TYW1B: variants seen among roughly 807,000 people sequenced by gnomAD.
TYW1B encodes S-adenosyl-L-methionine-dependent tRNA 4-demethylwyosine synthase TYW1B.
In TYW1B, 73 loss-of-function variants were observed where a neutral mutation model predicts 86.9. The observed-to-expected ratio is 0.84, with a 90% CI of 0.70 to 1.02. TYW1B has a LOEUF of 1.02. Among genes scored for constraint, TYW1B ranks in the 50% least tolerant of loss-of-function variants. The pLI is 0.00. For missense variants in TYW1B, 637 were observed against 827.4 expected (o/e 0.77, Z 2.82); for synonymous variants, 248 against 292.8 (o/e 0.85, Z 1.56).
At chr7:72,811,947 G>T (rs1272971455) in intron 3 of TYW1B, among the ~76,000 whole-genome samples, 3 of 147,008 alleles carry the variant, frequency 2.0e-5, no homozygotes, top group African/African-American at 7.5e-5. Flanking sequence ...GAAAAGAAAA[G>T]AAAAAATACA....
chr7:72,781,552 G>A (rs1554471634), intron 6 of TYW1B, among the ~76,000 whole-genome samples: 1 of 152,104 alleles, frequency 6.6e-6, no homozygotes, highest in African/African-American at 2.4e-5. Context: ...TCAAAAGCCA[G>A]TGCCACAGTA....
chr7:72,607,393 C>CA (rs57281644), intron 13 of TYW1B, among the ~76,000 whole-genome samples: 13,346 of 75,798 alleles, frequency 0.18, 892 homozygotes, highest in Non-Finnish European at 0.21. Context: ...TTCTGTCTCT[C>CA]AAAAAAAAAA....
intron 13 of TYW1B, among the ~76,000 whole-genome samples, chr7:72,581,197 A>C (rs1811142598): frequency 7.6e-6 from 1 of 131,360 alleles, no homozygotes; most frequent in South Asian, 2.9e-4. Context: ...CTCAGAAGAC[A>C]ATTCAGAAAG....
At chr7:72,703,427 G>C (rs184028751) in intron 10 of TYW1B, among the ~76,000 whole-genome samples, 36 of 152,120 alleles carry the variant, frequency 2.4e-4, no homozygotes, top group African/African-American at 8.4e-4. Context: ...TCTTGGTATT[G>C]GTTTCTAGTT....
intron 11 of TYW1B, among the ~76,000 whole-genome samples, chr7:72,635,560 G>A (rs2129568904): frequency 6.6e-6 from 1 of 152,272 alleles, no homozygotes; most frequent in African/African-American, 2.4e-5. Context: ...TGTCGATGGT[G>A]CCAACGTTGA....
At chr7:72,727,030 G>A (rs75118722) in intron 9 of TYW1B, among the ~76,000 whole-genome samples, 11 of 152,088 alleles carry the variant, frequency 7.2e-5, no homozygotes, top group Non-Finnish European at 2.9e-5. Flanking sequence ...TGGCCCCCAC[G>A]TTTCAATTAC....
chr7:72,620,252 C>T (rs1812180991), intron 12 of TYW1B, among the ~76,000 whole-genome samples: 2 of 152,034 alleles, frequency 1.3e-5, no homozygotes, highest in African/African-American at 4.8e-5. Context: ...CAAAAATTGG[C>T]TGGGCGTGGT....
chr7:72,657,687 A>C (rs1417155712), intron 11 of TYW1B, among the ~76,000 whole-genome samples: 2 of 152,216 alleles, frequency 1.3e-5, no homozygotes, highest in Non-Finnish European at 1.5e-5. Context: ...TGATACAATC[A>C]AAGTACTGAA....
chr7:72,815,270 C>T (rs1328318820), intron 3 of TYW1B, 110 bp downstream of exon 3: 32 of 1,032,804 alleles, frequency 3.1e-5, no homozygotes, highest in South Asian at 2.0e-4. Context: ...TCCCTTAGCA[C>T]GAAAATTAAA....
chr7:72,777,376 A>C (rs1360174302), intron 7 of TYW1B, 40 bp downstream of exon 7: 1 of 1,609,906 alleles, frequency 6.2e-7, no homozygotes, highest in South Asian at 1.1e-5. Flanking sequence ...AGAATGCCTA[A>C]GACTATAGTC....
chr7:72,690,172 G>A lies in TYW1B; in HGVS notation c.1506+4515C>T, dbSNP rs375730717. Among the ~76,000 whole-genome samples the A allele has an allele frequency of 6.6e-5, 10 of 152,324 alleles. No homozygotes were observed. The East Asian group carries it at 1.7e-3, about 26-fold the overall frequency. On this transcript the variant is annotated intron_variant, in intron 11 of 13. Transcript: ENST00000620995. ...CTTAAACAGAGAAAAGAATTAAATA[G>A]TTCAGTTTACTACTGGATCTTGACC... is the stretch of plus-strand genomic sequence containing the variant.
chr7:72,583,760 T>C (rs1404317901), intron 13 of TYW1B, among the ~76,000 whole-genome samples: 3 of 152,212 alleles, frequency 2.0e-5, no homozygotes, highest in Non-Finnish European at 4.4e-5. Context: ...TACTGGGTAC[T>C]AGGTGCTATG....
chr7:72,827,988 G>A, intron 1 of TYW1B, 84 bp downstream of exon 1: 1 of 1,593,800 alleles, frequency 6.3e-7, no homozygotes, highest in Non-Finnish European at 8.5e-7. Context: ...GGGGACCGAG[G>A]ACGCCACTCC....
chr7:72,799,658 G>T (rs1554475269), intron 6 of TYW1B, among the ~76,000 whole-genome samples: 4 of 151,658 alleles, frequency 2.6e-5, no homozygotes, highest in African/African-American at 9.7e-5. Flanking sequence ...GTAGAGACGG[G>T]GTTTCACCGT....
At chr7:72,592,160 T>TAAAAAAAAA (rs56146824) in intron 13 of TYW1B, among the ~76,000 whole-genome samples, 17 of 103,370 alleles carry the variant, frequency 1.6e-4, no homozygotes, top group African/African-American at 6.6e-4. Context: ...ACTAATGTGT[T>TAAAAAAAAA]AAAAAAAAAA....
At chr7:72,744,761 T>C (rs527916958) in intron 7 of TYW1B, among the ~76,000 whole-genome samples, 160 bp from the exon 8 acceptor site, 1 of 152,312 alleles carries the variant, frequency 6.6e-6, no homozygotes, top group East Asian at 1.9e-4. Flanking sequence ...CATTTTAGTG[T>C]TTTGGCAGTG....
intron 2 of TYW1B, among the ~76,000 whole-genome samples, chr7:72,824,961 G>C (rs1788900941): frequency 6.6e-6 from 1 of 151,520 alleles, no homozygotes; most frequent in Non-Finnish European, 1.5e-5. Flanking sequence ...AAATTAGCTG[G>C]GTATGGTGGC....
intron 13 of TYW1B, among the ~76,000 whole-genome samples, chr7:72,599,712 T>C (rs1554433328): frequency 6.6e-6 from 1 of 152,128 alleles, no homozygotes; most frequent in East Asian, 1.9e-4. Context: ...AGTTAATATA[T>C]ATATAAAATT....
At chr7:72,617,982 G>T (rs1274202884) in intron 12 of TYW1B, among the ~76,000 whole-genome samples, 1 of 151,816 alleles carries the variant, frequency 6.6e-6, no homozygotes, top group African/African-American at 2.4e-5. Flanking sequence ...CTTATTTCTT[G>T]AAATAAATCT....
Sources: gnomAD v4.1 joint callset for allele counts (sites outside exome capture counted in the v4.1 genomes callset) on GRCh38, gnomAD v4.1.1 for gene constraint, MANE v1.5 for transcripts, NCBI Gene and HGNC (gene_info 2026-07-23, HGNC 2026-07-21) for gene names.